The following AK3 variants were observed in gnomAD, a reference collection of about 807,000 sequenced individuals.
AK3 encodes GTP:AMP phosphotransferase AK3, mitochondrial.
In AK3, 27 loss-of-function variants were observed where a neutral mutation model predicts 23.7. The ratio of observed to expected loss-of-function variants is 1.14; its 90% CI spans 0.84 to 1.57. The LOEUF is 1.57. AK3 is among the 40% of genes most tolerant of loss of function. AK3 has a pLI of 0.00. For synonymous variants in AK3, 159 were observed against 116.0 expected (o/e 1.37, Z -2.38); for missense variants, 406 against 285.6 (o/e 1.42, Z -3.04).
At chr9:4,738,825 G>A (rs1480114885) in intron 1 of AK3, among the ~76,000 whole-genome samples, 1 of 133,518 alleles carries the variant, frequency 7.5e-6, no homozygotes, top group African/African-American at 2.9e-5. Flanking sequence ...AGCTTGGAGT[G>A]TAGTAGCACA....
chr9:4,716,368 G>T lies in AK3; in HGVS notation c.563+2051C>A, dbSNP rs536146886. On this transcript the variant is annotated intron_variant, in intron 4 of 4. Transcript: ENST00000381809. ...AGAGTGAACAATAATTGCTGACAAT[G>T]AATGATTTAATAGACACCAGGGCTG... 1.3e-5 allele frequency among the ~76,000 whole-genome samples: 2 copies of T among 152,316 alleles called. 1 individual carries two copies. Among genetic ancestry groups the T allele is most frequent in the East Asian group, 3.9e-4 (2 of 5,188 alleles).
chr9:4,724,030 A>G (rs973812289), intron 1 of AK3, among the ~76,000 whole-genome samples: 2 of 152,184 alleles, frequency 1.3e-5, no homozygotes, highest in African/African-American at 2.4e-5. Context: ...AAATTGTCAG[A>G]TTCATGAAAC....
chr9:4,735,991 T>C (rs1842283633), intron 1 of AK3, among the ~76,000 whole-genome samples: 1 of 151,404 alleles, frequency 6.6e-6, no homozygotes, highest in South Asian at 2.1e-4. Flanking sequence ...GGCTCACAGC[T>C]GTAATCCCAG....
chr9:4,718,471 T>G lies in AK3; in HGVS notation c.511A>C (p.Lys171Gln), dbSNP rs748671719. ...TGGTCTTCATAAGCCTTTAGTCTCTTGATAACCGTCTCTGGTTTATCATCC... is the reference window on the plus strand; with the variant it reads ...TGGTCTTCATAAGCCTTTAGTCTCTGGATAACCGTCTCTGGTTTATCATCC... ...REDDKPETVIKRLKAYEDQTK... is the reference protein window; with the variant it reads ...REDDKPETVIQRLKAYEDQTK... The change falls in exon 4 of 5, where the codon AAG becomes CAG. Residue 171 changes from lysine to glutamine, a missense_variant. Transcript: ENST00000381809. 71 of 1,613,516 alleles carry G rather than the reference T, an allele frequency of 4.4e-5. No homozygotes were observed. The highest frequency in any genetic ancestry group is 5.8e-5 in the Non-Finnish European group (69 of 1,179,846).
In AK3 at chr9:4,715,865, C is replaced by G. The variant is rs923499504; in HGVS notation, c.563+2554G>C. Among the ~76,000 whole-genome samples, 10 of 152,344 alleles carry G rather than the reference C, an allele frequency of 6.6e-5. No homozygotes were observed. The South Asian group carries it at 1.9e-3, about 28-fold the overall frequency. ...TGGGAAATAACCTCTCCACCAAACT[C>G]AGTCGACGAGGTTCAGGAGAGACTG... On this transcript the variant is annotated intron_variant, in intron 4 of 4. Coordinates refer to ENST00000381809, the MANE Select transcript of AK3 (RefSeq NM_016282.4).
chr9:4,732,728 G>A (rs894945613), intron 1 of AK3, among the ~76,000 whole-genome samples: 2 of 152,118 alleles, frequency 1.3e-5, no homozygotes, highest in Admixed American at 6.6e-5. Context: ...TTTAAATTCT[G>A]TATCTCCCTT....
At chr9:4,716,751 A>G (rs1248121650) in intron 4 of AK3, among the ~76,000 whole-genome samples, 1 of 152,138 alleles carries the variant, frequency 6.6e-6, no homozygotes, top group Non-Finnish European at 1.5e-5. Flanking sequence ...CAACATGGCA[A>G]GAGCCCCAGC....
upstream of AK3, chr9:4,741,611 C>T (rs1194094853): frequency 1.3e-5 from 2 of 153,194 alleles, no homozygotes; most frequent in Non-Finnish European, 2.9e-5. Flanking sequence ...GCCCCCTCCC[C>T]ACCTCTAGTC....
chr9:4,741,222 G>C (rs1219952360), upstream of AK3: 2 of 1,055,156 alleles, frequency 1.9e-6, no homozygotes, highest in Admixed American at 8.5e-5. Context: ...CGGCGTTCCC[G>C]GAAGTGAGCC....
chr9:4,741,155 C>A lies in AK3; in HGVS notation c.-68G>T, dbSNP rs1433167790. On this transcript the variant is annotated 5_prime_UTR_variant, in exon 1 of 5. Coordinates refer to ENST00000381809, the MANE Select transcript of AK3 (RefSeq NM_016282.4). The stretch of plus-strand genomic sequence containing the variant: ...GGCCTGGCCTGCGCGCTCACCCGCT[C>A]GGCAGCCTGCGCCGGCCGGCTAGCA... 4 of 1,327,172 alleles carry A rather than the reference C, an allele frequency of 3.0e-6. No individual in the cohort carries two copies. The East Asian group carries it at 1.2e-4, about 41-fold the overall frequency. 82.2% of individuals were successfully genotyped at this position (1,327,172 alleles called of 1,614,324 possible). A position where few individuals can be genotyped will look rare whatever the true frequency, so the allele number is the denominator to read the frequency against.
intron 2 of AK3, among the ~76,000 whole-genome samples, chr9:4,719,601 A>C (rs954003112): frequency 6.6e-6 from 1 of 152,174 alleles, no homozygotes; most frequent in Admixed American, 6.5e-5. Context: ...GATAAAGTAC[A>C]TTGCCCTTCT....
chr9:4,719,035 T>G, intron 3 of AK3, 100 bp downstream of exon 3: 1 of 1,289,002 alleles, frequency 7.8e-7, no homozygotes, highest in Non-Finnish European at 1.1e-6. Flanking sequence ...CCCTCAGGAG[T>G]TTTGGTCAGA....
intron 4 of AK3, among the ~76,000 whole-genome samples, chr9:4,717,112 G>C (rs459122): frequency 0.052 from 7,852 of 152,224 alleles, 246 homozygotes; most frequent in Admixed American, 0.073. Flanking sequence ...CCAATTTACA[G>C]AGGAAAAAAC....
intron 1 of AK3, among the ~76,000 whole-genome samples, chr9:4,727,127 G>A (rs1009426319): frequency 3.3e-5 from 5 of 152,182 alleles, no homozygotes; most frequent in Non-Finnish European, 5.9e-5. Flanking sequence ...ACAGAGCACA[G>A]GCAGGGTAGA....
intron 1 of AK3, among the ~76,000 whole-genome samples, chr9:4,734,453 C>G (rs1408435926): frequency 2.6e-5 from 4 of 152,212 alleles, no homozygotes; most frequent in Non-Finnish European, 4.4e-5. Context: ...TCTCCACTAC[C>G]TAGCACATAT....
chr9:4,738,762 T>A, intron 1 of AK3, among the ~76,000 whole-genome samples: 1 of 32,660 alleles, frequency 3.1e-5, no homozygotes, highest in Non-Finnish European at 5.5e-5. Context: ...TATGCTTTAC[T>A]TTTTTTTTTT....
chr9:4,712,849 G>C lies in AK3; in HGVS notation c.*127C>G. 1 of 1,089,084 alleles carries C rather than the reference G, an allele frequency of 9.2e-7. No individual in the cohort carries two copies. The highest frequency in any genetic ancestry group is 1.3e-6 in the Non-Finnish European group (1 of 785,060). 67.5% of individuals were successfully genotyped at this position (1,089,084 alleles called of 1,614,324 possible). A position where few individuals can be genotyped will look rare whatever the true frequency, so the allele number is the denominator to read the frequency against. On this transcript the variant is annotated 3_prime_UTR_variant, in exon 5 of 5. Transcript: ENST00000381809. ...ATCCTTAGTATCCAAAATAAAATCA[G>C]TAGAAATAAAAGTAATATAATTTTC...
chr9:4,728,868 C>T (rs139474766), intron 1 of AK3, among the ~76,000 whole-genome samples: 4 of 52,430 alleles, frequency 7.6e-5, no homozygotes, highest in African/African-American at 1.3e-4. Context: ...TATATATATA[C>T]ACACACACAC....
intron 1 of AK3, among the ~76,000 whole-genome samples, chr9:4,729,015 A>ATTTTTTT (rs375640249): frequency 1.0e-4 from 13 of 129,434 alleles, no homozygotes; most frequent in African/African-American, 3.8e-4. Flanking sequence ...ATATATATAT[A>ATTTTTTT]TTTTTTTTTT....
Sources: allele counts gnomAD v4.1 joint callset (sites outside exome capture counted in the v4.1 genomes callset), GRCh38; gene constraint gnomAD v4.1.1; transcripts MANE v1.5; gene names NCBI Gene and HGNC (gene_info 2026-07-23, HGNC 2026-07-21).